The following GLDC variants were observed in gnomAD, a reference collection of about 807,000 sequenced individuals.
GLDC encodes glycine decarboxylase, also known as glycine dehydrogenase (decarboxylating), mitochondrial.
GLDC carries 104 observed loss-of-function variants against 121.3 expected under a neutral mutation model. That is an observed-to-expected ratio of 0.86 (90% confidence interval 0.73 to 1.01). The LOEUF (loss-of-function observed/expected upper bound fraction) is 1.01. Ranked by LOEUF, GLDC falls within the 50% of genes least tolerant of loss-of-function variation. The probability of loss-of-function intolerance (pLI) is 0.00; values close to 1 mark genes in which losing one functional copy is unlikely to be tolerated. For missense variants in GLDC, 1,429 were observed against 1,306.6 expected, an observed-to-expected ratio of 1.09 and a Z score of -1.44; for synonymous variants, 546 against 480.6, an observed-to-expected ratio of 1.14 and a Z score of -1.78.
At chr9:6,627,326 TTAAA>T (rs1819265814) in intron 2 of GLDC, among the ~76,000 whole-genome samples, 2 of 148,360 alleles carry the variant, frequency 1.3e-5, no homozygotes, top group East Asian at 3.9e-4. Flanking sequence ...GCAAACTAGC[TTAAA>T]TAAAGAACAA....
intron 16 of GLDC, 61 bp downstream of exon 16, chr9:6,565,293 C>A (rs1817832692): frequency 8.6e-7 from 1 of 1,164,718 alleles, no homozygotes; most frequent in Non-Finnish European, 1.3e-6. Context: ...ACAGAAGGGA[C>A]CCTGAGAGCC....
intron 2 of GLDC, among the ~76,000 whole-genome samples, chr9:6,637,768 A>C (rs1819537260): frequency 6.6e-6 from 1 of 152,154 alleles, no homozygotes; most frequent in South Asian, 2.1e-4. Flanking sequence ...TGCCCAGCCA[A>C]GACTGAGATT....
intron 7 of GLDC, among the ~76,000 whole-genome samples, chr9:6,604,292 A>G (rs1290608774): frequency 6.6e-6 from 1 of 152,198 alleles, no homozygotes. Context: ...CGAGACACAA[A>G]ACATGCCTAA....
intron 21 of GLDC, 102 bp from the exon 22 acceptor site, chr9:6,540,248 G>GT: frequency 1.2e-6 from 1 of 802,342 alleles, no homozygotes; most frequent in Non-Finnish European, 2.2e-6. Flanking sequence ...AGCTTTTTAT[G>GT]TGTATCAGCG....
At chr9:6,558,121 G>T (rs1193134906) in intron 17 of GLDC, 2 of 260,342 alleles carry the variant, frequency 7.7e-6, no homozygotes, top group East Asian at 1.6e-4. Context: ...GAGAGTGGGG[G>T]TTGGTGGAAA....
At position 6,606,673 on chromosome 9, in the gene GLDC, T is replaced by C. The variant is rs1484537033; in HGVS notation, c.636-4A>G. On this transcript the variant is annotated splice_polypyrimidine_tract_variant and splice_region_variant and intron_variant, in intron 4 of 24. Transcript: ENST00000321612. ...AAATTTCCTCCTCTTGTTGTGTCTG[T>C]TGAAAAGAAAAAGCACATTCCAACG... The C allele has an allele frequency of 6.3e-7, 1 of 1,583,092 alleles. No homozygotes were observed. Among genetic ancestry groups the C allele is most frequent in the Non-Finnish European group, 8.7e-7 (1 of 1,152,466 alleles).
intron 2 of GLDC, among the ~76,000 whole-genome samples, chr9:6,630,621 G>T (rs926244286): frequency 6.6e-6 from 1 of 152,196 alleles, no homozygotes; most frequent in Non-Finnish European, 1.5e-5. Context: ...GGGCCAGAAT[G>T]TGAGGACAGA....
chr9:6,610,757 G>T (rs926062370), intron 3 of GLDC, among the ~76,000 whole-genome samples: 1 of 152,068 alleles, frequency 6.6e-6, no homozygotes, highest in African/African-American at 2.4e-5. Flanking sequence ...ATGCCATCAC[G>T]CTCAGCTAAT....
At chr9:6,571,951 G>A (rs767605250) in intron 15 of GLDC, among the ~76,000 whole-genome samples, 1 of 152,118 alleles carries the variant, frequency 6.6e-6, no homozygotes, top group Non-Finnish European at 1.5e-5. Context: ...TTCAATGGAG[G>A]AAAGATCGCC....
At chr9:6,614,956 T>C (rs1187242324) in intron 3 of GLDC, among the ~76,000 whole-genome samples, 1 of 152,146 alleles carries the variant, frequency 6.6e-6, no homozygotes, top group African/African-American at 2.4e-5. Flanking sequence ...ACAGAAAAGG[T>C]ACAGTAAAAA....
At chr9:6,593,301 T>G (rs1818416210) in intron 9 of GLDC, among the ~76,000 whole-genome samples, 1 of 147,642 alleles carries the variant, frequency 6.8e-6, no homozygotes, top group African/African-American at 2.6e-5. Flanking sequence ...TTATACCTTT[T>G]TTTTTTTGAG....
At chr9:6,630,500 G>C (rs1819353847) in intron 2 of GLDC, among the ~76,000 whole-genome samples, 4 of 152,004 alleles carry the variant, frequency 2.6e-5, no homozygotes, top group Admixed American at 2.6e-4. Context: ...ACTAGGAAAA[G>C]GTCTCCAAGG....
rs1818739152 is a variant in GLDC, at chr9:6,606,624, T to C, written c.681A>G (p.Pro227=). ...RKFLVDPRCH[P]QTIAVVQTRA... is the part of the protein sequence containing the mutation. ...GAGTCTGGACAACAGCTATTGTCTG[T>C]GGGTGGCAACGGGGATCAACGAGAA... is the stretch of plus-strand genomic sequence containing the variant. Residue 227 remains proline, a synonymous_variant, in exon 5 of 25, where the codon CCA becomes CCG. Coordinates refer to ENST00000321612, the MANE Select transcript of GLDC (RefSeq NM_000170.3). 1 of 1,609,804 alleles carries C rather than the reference T, an allele frequency of 6.2e-7. No homozygotes were observed. The highest frequency in any genetic ancestry group is 8.5e-7 in the Non-Finnish European group (1 of 1,176,190).
rs775546889 is a variant in GLDC at position 6,606,663 on chromosome 9, G to C, written c.642C>G (p.Asn214Lys). 6.3e-7 allele frequency: 1 copy of C among 1,592,108 alleles called. No individual in the cohort carries two copies. The highest frequency in any genetic ancestry group is 1.7e-5 in the Admixed American group (1 of 59,982). Residue 214 changes from asparagine to lysine, a missense_variant, in exon 5 of 25, where the codon AAC becomes AAG. Asn to Lys is a moderately conservative substitution (Grantham distance 94). Coordinates refer to ENST00000321612, the MANE Select transcript of GLDC (RefSeq NM_000170.3). Reference sequence around the variant, plus strand: ...GATCAACGAGAAATTTCCTCCTCTTGTTGTGTCTGTTGAAAAGAAAAAGCA... The same window carrying C: ...GATCAACGAGAAATTTCCTCCTCTTCTTGTGTCTGTTGAAAAGAAAAAGCA... Reference protein sequence around the residue: ...AEALQLCYRHNKRRKFLVDPR... With the variant: ...AEALQLCYRHKKRRKFLVDPR...
At chr9:6,592,296 C>A (rs936973893) in intron 10 of GLDC, 73 bp from the exon 11 acceptor site, 1 of 912,096 alleles carries the variant, frequency 1.1e-6, no homozygotes, top group South Asian at 1.3e-5. Context: ...CAAGAGAGGT[C>A]AAAGGGGAGA....
At chr9:6,594,837 GAA>G (rs1818459562) in intron 9 of GLDC, among the ~76,000 whole-genome samples, 175 bp downstream of exon 9, 1 of 150,764 alleles carries the variant, frequency 6.6e-6, no homozygotes, top group African/African-American at 2.4e-5. Context: ...GAAAGAAAAA[GAA>G]AGAGAAAGAA....
Position 6,604,733 on chromosome 9 carries a change from G to T in GLDC, c.913C>A (p.Pro305Thr), listed in dbSNP as rs370964168. The T allele has an allele frequency of 1.2e-6, 2 of 1,614,128 alleles. No individual in the cohort carries two copies. The highest frequency in any genetic ancestry group is 1.7e-6 in the Non-Finnish European group (2 of 1,179,988). ...GCGATGTCTACCCCAAATTCTCCAG[G>T]TGGCCTCAAGATGCACAAAGCTAAA... ...DLLALCILRP[P>T]GEFGVDIALG... Residue 305 changes from proline to threonine, a missense_variant, in exon 7 of 25, where the codon CCT becomes ACT. Physicochemically the swap from Pro to Thr is conservative, Grantham distance 38 (BLOSUM62 -1). Transcript: ENST00000321612.
At chr9:6,617,146 G>A (rs919648723) in intron 3 of GLDC, among the ~76,000 whole-genome samples, 49 of 152,264 alleles carry the variant, frequency 3.2e-4, no homozygotes, top group African/African-American at 1.2e-3. Context: ...CCATTCAGAA[G>A]GATGATAATG....
intron 21 of GLDC, among the ~76,000 whole-genome samples, chr9:6,545,939 C>T (rs1272225851): frequency 1.3e-5 from 2 of 152,120 alleles, no homozygotes; most frequent in Non-Finnish European, 2.9e-5. Flanking sequence ...CCATGCCCAG[C>T]GTACTGTAAC....
Sources: allele counts gnomAD v4.1 joint callset (sites outside exome capture counted in the v4.1 genomes callset), GRCh38; gene constraint gnomAD v4.1.1; transcripts MANE v1.5; gene names NCBI Gene and HGNC (gene_info 2026-07-23, HGNC 2026-07-21).